The following LDB2 variants were observed in gnomAD, a reference collection of about 807,000 sequenced individuals.
LDB2 encodes LIM domain-binding protein 2.
A neutral mutation model predicts 44.3 loss-of-function variants in LDB2; 12 were observed. The observed-to-expected ratio is 0.27, with a 90% CI of 0.17 to 0.44. The LOEUF is 0.44. Ranked by LOEUF, LDB2 falls within the 20% of genes least tolerant of loss-of-function variation. LDB2 has a pLI of 1.00. For missense variants in LDB2, 344 were observed against 473.5 expected, an observed-to-expected ratio of 0.73 and a Z score of 2.54; for synonymous variants, 164 against 174.8, an observed-to-expected ratio of 0.94 and a Z score of 0.49.
intron 2 of LDB2, among the ~76,000 whole-genome samples, chr4:16,723,370 G>A (rs1758733988): frequency 1.3e-5 from 2 of 152,136 alleles, no homozygotes; most frequent in Non-Finnish European, 2.9e-5. Context: ...GAGCAAGTGT[G>A]AGAGAGCTCG....
chr4:16,658,209 T>C (rs1302505693), intron 2 of LDB2, among the ~76,000 whole-genome samples: 1 of 152,176 alleles, frequency 6.6e-6, no homozygotes, highest in Non-Finnish European at 1.5e-5. Context: ...GGCTGTATCT[T>C]ATTAAGTTTT....
At chr4:16,785,090 G>A (rs1447548212) in intron 1 of LDB2, among the ~76,000 whole-genome samples, 6 of 151,736 alleles carry the variant, frequency 4.0e-5, no homozygotes, top group African/African-American at 1.5e-4. Flanking sequence ...ATAGGTATGT[G>A]TGTATGTACG....
At chr4:16,536,302 G>C (rs574389676) in intron 5 of LDB2, among the ~76,000 whole-genome samples, 1 of 152,308 alleles carries the variant, frequency 6.6e-6, no homozygotes, top group Non-Finnish European at 1.5e-5. Flanking sequence ...TGAGTAGCTA[G>C]GAAAGAGGTT....
At chr4:16,623,132 T>A (rs1729338245) in intron 2 of LDB2, among the ~76,000 whole-genome samples, 2 of 152,170 alleles carry the variant, frequency 1.3e-5, no homozygotes, top group African/African-American at 4.8e-5. Context: ...TCAATAAATA[T>A]TCTTTGAATA....
chr4:16,863,656 C>A (rs376478793), intron 1 of LDB2, among the ~76,000 whole-genome samples: 1 of 91,926 alleles, frequency 1.1e-5, no homozygotes, highest in Non-Finnish European at 1.9e-5. Flanking sequence ...CTCACATTCT[C>A]TTTTTTTTTT....
intron 2 of LDB2, among the ~76,000 whole-genome samples, chr4:16,693,522 A>C (rs1442991510): frequency 1.3e-5 from 2 of 151,996 alleles, no homozygotes; most frequent in African/African-American, 4.8e-5. Flanking sequence ...CATCCGGCCA[A>C]TTTTTGTAGT....
At chr4:16,637,440 T>A (rs540744389) in intron 2 of LDB2, among the ~76,000 whole-genome samples, 1 of 150,894 alleles carries the variant, frequency 6.6e-6, no homozygotes, top group African/African-American at 2.4e-5. Flanking sequence ...CATAGTAAAG[T>A]CAATGATGAC....
intron 5 of LDB2, among the ~76,000 whole-genome samples, chr4:16,523,913 A>G (rs1365480996): frequency 6.6e-6 from 1 of 152,234 alleles, no homozygotes; most frequent in Non-Finnish European, 1.5e-5. Context: ...GCAGCAACTA[A>G]TATTACGCCC....
chr4:16,592,505 T>TATATATATATAC (rs757702164), intron 3 of LDB2, among the ~76,000 whole-genome samples: 21 of 108,010 alleles, frequency 1.9e-4, no homozygotes, highest in South Asian at 3.5e-4. Context: ...TATATATATA[T>TATATATATATAC]ACACACACAC....
chr4:16,676,818 A>G (rs1746449755), intron 2 of LDB2, among the ~76,000 whole-genome samples: 1 of 152,230 alleles, frequency 6.6e-6, no homozygotes, highest in Admixed American at 6.5e-5. Flanking sequence ...ATCCAAGTCA[A>G]GGAAGAGTTC....
chr4:16,638,133 G>A (rs1478156343), intron 2 of LDB2, among the ~76,000 whole-genome samples: 1 of 152,204 alleles, frequency 6.6e-6, no homozygotes, highest in Non-Finnish European at 1.5e-5. Context: ...GCAAATGACT[G>A]AAGAGTCATG....
chr4:16,701,764 A>C (rs993190547), intron 2 of LDB2, among the ~76,000 whole-genome samples: 1 of 152,180 alleles, frequency 6.6e-6, no homozygotes, highest in African/African-American at 2.4e-5. Context: ...AACACTGAGT[A>C]ATATTGTTCA....
chr4:16,747,853 A>G (rs1004925340), intron 2 of LDB2, among the ~76,000 whole-genome samples: 1 of 152,194 alleles, frequency 6.6e-6, no homozygotes, highest in Non-Finnish European at 1.5e-5. Flanking sequence ...GGACAAGCTC[A>G]TAATTAGATT....
chr4:16,634,559 G>T (rs973008596), intron 2 of LDB2, among the ~76,000 whole-genome samples: 1 of 152,146 alleles, frequency 6.6e-6, no homozygotes, highest in East Asian at 1.9e-4. Context: ...ATCATAACTG[G>T]TCATTAGAGA....
intron 2 of LDB2, among the ~76,000 whole-genome samples, chr4:16,731,741 G>A (rs1760807564): frequency 6.6e-6 from 1 of 152,114 alleles, no homozygotes; most frequent in Admixed American, 6.6e-5. Context: ...TTTCCTGAAA[G>A]GTCATAGAGA....
intron 2 of LDB2, among the ~76,000 whole-genome samples, chr4:16,637,299 ATTTTTTTTTTT>A (rs34484721): frequency 2.3e-5 from 2 of 85,482 alleles, no homozygotes; most frequent in South Asian, 5.6e-4. Flanking sequence ...GCCTAGGCTG[ATTTTTTTTTTT>A]TTTTTTTTTT....
chr4:16,608,980 C>T (rs1724791518), intron 2 of LDB2, among the ~76,000 whole-genome samples: 1 of 152,082 alleles, frequency 6.6e-6, no homozygotes, highest in African/African-American at 2.4e-5. Context: ...CTGGAAACAG[C>T]GGAATTCGGA....
chr4:16,640,968 C>A (rs1413613955), intron 2 of LDB2, among the ~76,000 whole-genome samples: 1 of 152,110 alleles, frequency 6.6e-6, no homozygotes, highest in Admixed American at 6.5e-5. Context: ...GCTTGGAGTC[C>A]TTGTCCCCAT....
intron 1 of LDB2, among the ~76,000 whole-genome samples, chr4:16,853,440 T>C (rs1168851141): frequency 1.3e-5 from 2 of 152,160 alleles, no homozygotes; most frequent in South Asian, 4.1e-4. Context: ...AGATACCACC[T>C]CACATCTGTT....
Sources: allele counts gnomAD v4.1 joint callset (sites outside exome capture counted in the v4.1 genomes callset), GRCh38; gene constraint gnomAD v4.1.1; transcripts MANE v1.5; gene names NCBI Gene and HGNC (gene_info 2026-07-23, HGNC 2026-07-21).